NLK: variants seen among roughly 807,000 people sequenced by gnomAD.
NLK encodes the protein serine/threonine-protein kinase NLK.
In NLK, 11 loss-of-function variants were observed where a neutral mutation model predicts 59.0. That is an observed-to-expected ratio of 0.19 (90% CI 0.12 to 0.31). NLK has a LOEUF of 0.31. NLK is among the 10% of genes least tolerant of loss of function. NLK has a pLI of 1.00. For missense variants in NLK, 410 were observed against 661.1 expected, an observed-to-expected ratio of 0.62 and a Z score of 4.16; for synonymous variants, 235 against 235.9, an observed-to-expected ratio of 1.00 and a Z score of 0.03.
In NLK at chr17:28,192,116, A is replaced by G; in HGVS notation, c.1436-4A>G. The G allele has an allele frequency of 1.3e-6, 2 of 1,579,514 alleles. No homozygotes were observed. The highest frequency in any genetic ancestry group is 1.7e-6 in the Non-Finnish European group (2 of 1,152,724). The stretch of plus-strand genomic sequence containing the variant: ...GGATTGTATGATGTTTGTTTTCTCC[A>G]CAGAAATTATTCATCAGTTCATTTT... On this transcript the variant is annotated splice_polypyrimidine_tract_variant and splice_region_variant and intron_variant, in intron 9 of 10. Coordinates refer to ENST00000407008, the MANE Select transcript of NLK (RefSeq NM_016231.5).
chr17:28,089,566 T>C (rs995425086), intron 1 of NLK, among the ~76,000 whole-genome samples: 1 of 152,104 alleles, frequency 6.6e-6, no homozygotes, highest in Non-Finnish European at 1.5e-5. Flanking sequence ...AGTCTTTGCA[T>C]GGACATATGC....
chr17:28,161,903 C>G (rs760934656), intron 4 of NLK, among the ~76,000 whole-genome samples: 9 of 152,152 alleles, frequency 5.9e-5, no homozygotes, highest in Non-Finnish European at 8.8e-5. Flanking sequence ...TTGCTTAAAC[C>G]TGAAACAGCT....
At chr17:28,124,864 A>G (rs969706646) in intron 2 of NLK, among the ~76,000 whole-genome samples, 4 of 152,088 alleles carry the variant, frequency 2.6e-5, no homozygotes, top group African/African-American at 7.2e-5. Context: ...AGCTTGGGCA[A>G]CGCTGCAAAA....
chr17:28,098,325 A>G (rs957990625), intron 1 of NLK, among the ~76,000 whole-genome samples: 2 of 152,236 alleles, frequency 1.3e-5, no homozygotes, highest in Non-Finnish European at 2.9e-5. Flanking sequence ...ATTAGGCAGA[A>G]CGGGTAGCCT....
intron 1 of NLK, among the ~76,000 whole-genome samples, chr17:28,109,028 G>T (rs1052205778): frequency 1.3e-5 from 2 of 152,042 alleles, no homozygotes; most frequent in African/African-American, 4.8e-5. Context: ...AAAAGTAGCC[G>T]GGCATGGTGG....
chr17:28,077,511 A>G (rs1487628085), intron 1 of NLK, among the ~76,000 whole-genome samples: 1 of 152,130 alleles, frequency 6.6e-6, no homozygotes, highest in Non-Finnish European at 1.5e-5. Flanking sequence ...GGGTGGGGAC[A>G]CAGCCAAACC....
chr17:28,081,727 C>A (rs927808477), intron 1 of NLK, among the ~76,000 whole-genome samples: 1 of 152,114 alleles, frequency 6.6e-6, no homozygotes, highest in Admixed American at 6.5e-5. Flanking sequence ...TTACCTGTTA[C>A]CAGGTTTGCA....
chr17:28,092,793 TTTTATTTTA>T (rs1904549809), intron 1 of NLK, among the ~76,000 whole-genome samples: 1 of 149,870 alleles, frequency 6.7e-6, no homozygotes, highest in African/African-American at 2.5e-5. Context: ...TTTTATTTTA[TTTTATTTTA>T]TTTTATTTAT....
At chr17:28,191,531 A>G (rs995142291) in intron 9 of NLK, among the ~76,000 whole-genome samples, 2 of 152,240 alleles carry the variant, frequency 1.3e-5, no homozygotes, top group African/African-American at 2.4e-5. Flanking sequence ...TTTATATAAC[A>G]TACAAAGTTC....
intron 6 of NLK, among the ~76,000 whole-genome samples, chr17:28,169,721 C>CTTTTTTTTTTTTTTTTTTTTTT (rs1193124964): frequency 1.8e-5 from 2 of 111,608 alleles, no homozygotes; most frequent in African/African-American, 6.8e-5. Flanking sequence ...GCTTCTTCTT[C>CTTTTTTTTTTTTTTTTTTTTTT]TTTTTTTTTT....
the NLK span, among the ~76,000 whole-genome samples, chr17:28,204,862 G>A: frequency 6.7e-4 from 102 of 152,192 alleles, no homozygotes; most frequent in Non-Finnish European, 9.0e-4. Flanking sequence ...GATTTCATAT[G>A]ACTTCCTGGT....
intron 2 of NLK, among the ~76,000 whole-genome samples, chr17:28,127,780 CCAGA>C (rs1906351003): frequency 6.6e-6 from 1 of 151,960 alleles, no homozygotes; most frequent in Non-Finnish European, 1.5e-5. Context: ...ACAAAATAGC[CCAGA>C]CAATCTTAAA....
chr17:28,116,930 G>A (rs984166267), intron 1 of NLK, among the ~76,000 whole-genome samples: 1 of 152,176 alleles, frequency 6.6e-6, no homozygotes, highest in Admixed American at 6.5e-5. Context: ...AGATGTAGTT[G>A]TGAATTGTTT....
intron 2 of NLK, among the ~76,000 whole-genome samples, chr17:28,126,847 C>A (rs1050080897): frequency 8.5e-5 from 13 of 152,128 alleles, no homozygotes; most frequent in Non-Finnish European, 1.9e-4. Flanking sequence ...CTGGCAGAAT[C>A]TTCTCTCTAC....
chr17:28,133,394 C>T (rs1376664387), intron 3 of NLK, among the ~76,000 whole-genome samples: 5 of 152,110 alleles, frequency 3.3e-5, no homozygotes, highest in Admixed American at 3.3e-4. Flanking sequence ...TCAGCCCTTA[C>T]CTATGTGATT....
intron 1 of NLK, among the ~76,000 whole-genome samples, chr17:28,083,096 T>C (rs576928703): frequency 6.6e-6 from 1 of 152,304 alleles, no homozygotes; most frequent in South Asian, 2.1e-4. Context: ...CTGCTTGACA[T>C]GTGGAAATCA....
intron 7 of NLK, among the ~76,000 whole-genome samples, chr17:28,184,211 A>G (rs1481570056): frequency 6.6e-6 from 1 of 152,228 alleles, no homozygotes; most frequent in Non-Finnish European, 1.5e-5. Context: ...CAGGTTCTGT[A>G]AGTTCTTGCA....
intron 7 of NLK, among the ~76,000 whole-genome samples, chr17:28,181,860 A>G (rs2142066019): frequency 6.6e-6 from 1 of 152,168 alleles, no homozygotes; most frequent in Admixed American, 6.5e-5. Flanking sequence ...AAATACAAAA[A>G]TTAGCTGGGT....
At chr17:28,176,389 T>A (rs1458206182) in intron 7 of NLK, among the ~76,000 whole-genome samples, 1 of 152,220 alleles carries the variant, frequency 6.6e-6, no homozygotes, top group Admixed American at 6.5e-5. Context: ...AGACATAAAT[T>A]ATCATTTTTG....
Sources: allele counts gnomAD v4.1 joint callset (sites outside exome capture counted in the v4.1 genomes callset), GRCh38; gene constraint gnomAD v4.1.1; transcripts MANE v1.5; gene names NCBI Gene and HGNC (gene_info 2026-07-23, HGNC 2026-07-21).